Variants in FAT3 observed in about 807,000 individuals in gnomAD.
FAT3 encodes protocadherin Fat 3.
In FAT3, 95 loss-of-function variants were observed where a neutral mutation model predicts 310.2. That is an observed-to-expected ratio of 0.31 (90% CI 0.26 to 0.36). The LOEUF is 0.36. FAT3 is among the 10% of genes least tolerant of loss of function. The pLI, the probability that FAT3 is intolerant of heterozygous loss-of-function variation, is 1.00. For missense variants in FAT3, 5,408 were observed against 5,715.6 expected (o/e 0.95, Z 1.74); for synonymous variants, 2,314 against 2,192.9 (o/e 1.06, Z -1.54).
intron 3 of FAT3, among the ~76,000 whole-genome samples, chr11:92,674,700 T>C: frequency 6.6e-6 from 1 of 151,922 alleles, no homozygotes; most frequent in Admixed American, 6.6e-5. Flanking sequence ...TTTTTGTATT[T>C]TGTGTGTGTG....
At chr11:92,664,246 TA>T (rs1942885743) in intron 3 of FAT3, among the ~76,000 whole-genome samples, 1 of 152,204 alleles carries the variant, frequency 6.6e-6, no homozygotes, top group Non-Finnish European at 1.5e-5. Flanking sequence ...TGAAAGTACA[TA>T]AAGTGACTAG....
At chr11:92,778,891 C>G (rs902354524) in intron 7 of FAT3, among the ~76,000 whole-genome samples, 5 of 152,036 alleles carry the variant, frequency 3.3e-5, no homozygotes, top group African/African-American at 9.7e-5. Flanking sequence ...AAGCCTTGGA[C>G]AGCAAACAGG....
chr11:92,788,141 A>G (rs935856436), intron 7 of FAT3, among the ~76,000 whole-genome samples: 2 of 152,152 alleles, frequency 1.3e-5, no homozygotes, highest in Admixed American at 1.3e-4. Flanking sequence ...ACAAGATAAC[A>G]CTGGAAAAAA....
rs144130772 is a variant in FAT3, at chr11:92,599,240, A to G, written c.3607+74292A>G. On this transcript the variant is annotated intron_variant, in intron 3 of 27. Transcript: ENST00000525166. Reference sequence around the variant, plus strand: ...GACTCACAGTTTTGCATGGCTGGGGAGGCCTCAGGAAACTTACAATCATTG... The same window carrying G: ...GACTCACAGTTTTGCATGGCTGGGGGGGCCTCAGGAAACTTACAATCATTG... Among the ~76,000 whole-genome samples, 10 of 152,296 alleles carry G rather than the reference A, an allele frequency of 6.6e-5. No homozygotes were observed. In the East Asian group the frequency reaches 1.5e-3, roughly 24 times the overall value.
rs148587580 is a variant in FAT3, at chr11:92,288,869, G to A, written c.-17-63227G>A. 2.6e-5 allele frequency among the ~76,000 whole-genome samples: 4 copies of A among 152,232 alleles called. No individual in the cohort carries two copies. In the South Asian group the frequency reaches 6.2e-4, roughly 24 times the overall value. The stretch of plus-strand genomic sequence containing the variant: ...TTCTAGGCTGGCTGGACCACACTTG[G>A]TTGGTTCTTTGGTGATGGACAGTTA... On this transcript the variant is annotated intron_variant, in intron 1 of 27. Coordinates refer to ENST00000525166, the MANE Select transcript of FAT3 (RefSeq NM_001367949.2).
At chr11:92,238,433 T>C (rs1864527683) in intron 1 of FAT3, among the ~76,000 whole-genome samples, 1 of 152,042 alleles carries the variant, frequency 6.6e-6, no homozygotes, top group Non-Finnish European at 1.5e-5. Context: ...GAGGGGGCAA[T>C]CTGGTTGGAA....
chr11:92,243,919 A>T (rs1864776732), intron 1 of FAT3, among the ~76,000 whole-genome samples: 1 of 152,130 alleles, frequency 6.6e-6, no homozygotes, highest in African/African-American at 2.4e-5. Flanking sequence ...ATTGATAAAG[A>T]TCAAAATTTA....
intron 3 of FAT3, among the ~76,000 whole-genome samples, chr11:92,546,012 C>T (rs978249922): frequency 5.9e-5 from 9 of 152,204 alleles, no homozygotes; most frequent in East Asian, 1.9e-4. Flanking sequence ...CCTCTCTCCA[C>T]GTGCTTGTTA....
chr11:92,843,976 A>C lies in FAT3; in HGVS notation c.10609A>C (p.Ile3537Leu), dbSNP rs749351331. Residue 3537 changes from isoleucine to leucine, a missense_variant, in exon 19 of 28, where the codon ATC (isoleucine) becomes CTC (leucine). By Grantham distance (5) the Ile-to-Leu change is conservative (BLOSUM62 2). This residue lies in a region of FAT3 where 4,588 missense variants were observed against 4,809.8 expected (regional missense o/e 0.95). Transcript: ENST00000525166. ...GKPQQVSHTYIRVRVIEESTH... is the reference protein window; with the variant it reads ...GKPQQVSHTYLRVRVIEESTH... ...ACCCCAGCAAGTTTCTCACACTTAC[A>C]TCCGCGTGCGAGTCATTGAGGAAAG... 1 of 1,613,066 alleles carries C rather than the reference A, an allele frequency of 6.2e-7. No individual in the cohort carries two copies. Among genetic ancestry groups the C allele is most frequent in the Non-Finnish European group, 8.5e-7 (1 of 1,179,214 alleles).
At chr11:92,723,722 T>G (rs1308402358) in intron 4 of FAT3, among the ~76,000 whole-genome samples, 1 of 152,168 alleles carries the variant, frequency 6.6e-6, no homozygotes, top group East Asian at 1.9e-4. Context: ...GCACATCTTA[T>G]GTGGTGGCAG....
At chr11:92,635,534 AGAG>A (rs1941735381) in intron 3 of FAT3, among the ~76,000 whole-genome samples, 1 of 152,222 alleles carries the variant, frequency 6.6e-6, no homozygotes, top group African/African-American at 2.4e-5. Context: ...ATGGAGAAGA[AGAG>A]TTCTTAGGCT....
intron 2 of FAT3, among the ~76,000 whole-genome samples, chr11:92,365,746 A>C (rs1187330629): frequency 6.6e-6 from 1 of 152,196 alleles, no homozygotes; most frequent in South Asian, 2.1e-4. Flanking sequence ...CACTGCCTTG[A>C]AACAAGGTGG....
intron 1 of FAT3, among the ~76,000 whole-genome samples, chr11:92,332,803 C>T (rs1356399395): frequency 6.6e-6 from 1 of 152,138 alleles, no homozygotes; most frequent in Non-Finnish European, 1.5e-5. Context: ...CCTTCTATTC[C>T]ATAGAGTTCC....
chr11:92,710,702 G>T (rs531538400), intron 4 of FAT3, among the ~76,000 whole-genome samples: 1 of 152,156 alleles, frequency 6.6e-6, no homozygotes, highest in Non-Finnish European at 1.5e-5. Context: ...ATATCTCTGC[G>T]CAAGGCCGTG....
At chr11:92,326,611 G>A (rs796863916) in intron 1 of FAT3, among the ~76,000 whole-genome samples, 6 of 152,298 alleles carry the variant, frequency 3.9e-5, no homozygotes, top group African/African-American at 9.6e-5. Flanking sequence ...TATAATAGAT[G>A]TGACCTTATT....
Position 92,431,709 on chromosome 11 carries a change from C to T in FAT3, c.3292+76305C>T, listed in dbSNP as rs544250712. 7.6e-4 allele frequency among the ~76,000 whole-genome samples: 116 copies of T among 151,996 alleles called. 1 individual carries two copies. Among genetic ancestry groups the T allele is most frequent in the African/African-American group, 2.3e-3 (94 of 41,490 alleles). ...TTGTATAAGGTATAAGGAAGGGATC[C>T]GGTTTCAGCTTTCTACATATGGCTA... On this transcript the variant is annotated intron_variant, in intron 2 of 27. Transcript: ENST00000525166.
intron 2 of FAT3, among the ~76,000 whole-genome samples, chr11:92,377,637 C>A (rs1206040267): frequency 6.6e-6 from 1 of 152,180 alleles, no homozygotes; most frequent in Non-Finnish European, 1.5e-5. Context: ...GGTTCAGGAT[C>A]AGCTGTATAT....
chr11:92,885,389 A>C (rs1259536690), intron 24 of FAT3, among the ~76,000 whole-genome samples: 2 of 152,068 alleles, frequency 1.3e-5, no homozygotes, highest in Non-Finnish European at 2.9e-5. Context: ...TAGGATTAAA[A>C]CCTGTGCTCT....
At chr11:92,822,172 C>A (rs777721462) in intron 13 of FAT3, among the ~76,000 whole-genome samples, 8 of 152,112 alleles carry the variant, frequency 5.3e-5, no homozygotes, top group Non-Finnish European at 1.2e-4. Context: ...CTAATTCCTT[C>A]CAAAAAGGAG....
Sources: gnomAD v4.1 joint callset for allele counts (sites outside exome capture counted in the v4.1 genomes callset) on GRCh38, gnomAD v4.1.1 for gene constraint, gnomAD v4.1.1 regional missense constraint, MANE v1.5 for transcripts, NCBI Gene and HGNC (gene_info 2026-07-23, HGNC 2026-07-21) for gene names.